Variants in ARHGEF16 observed in about 807,000 individuals in gnomAD.
ARHGEF16 encodes Rho guanine exchange factor (GEF) 16.
A neutral mutation model predicts 74.1 loss-of-function variants in ARHGEF16; 59 were observed. That is an observed-to-expected ratio of 0.80 (90% CI 0.65 to 0.99). ARHGEF16 has a LOEUF of 0.99. Among genes scored for constraint, ARHGEF16 ranks in the 50% least tolerant of loss-of-function variants. The probability of loss-of-function intolerance (pLI) is 0.00; values close to 1 mark genes in which losing one functional copy is unlikely to be tolerated. For synonymous variants in ARHGEF16, 415 were observed against 412.6 expected (o/e 1.01, Z -0.07); for missense variants, 948 against 986.6 (o/e 0.96, Z 0.52).
rs908674431 is a variant in ARHGEF16 at position 3,463,466 on chromosome 1, C to A, written c.382C>A (p.Pro128Thr). Residue 128 changes from proline (P) to threonine (T), a missense_variant, in exon 2 of 15, where the codon CCC becomes ACC. Coordinates refer to ENST00000378378, the MANE Select transcript of ARHGEF16 (RefSeq NM_014448.4). ...GCGGGACCCTAAGCTCCTCCCAGCC[C>A]CCAGCTTCTCCCTGGATGACATGGA... The part of the protein sequence containing the change: ...ARRDPKLLPA[P>T]SFSLDDMDVD... The A allele has an allele frequency of 1.3e-6, 2 of 1,532,186 alleles. No individual in the cohort carries two copies. Among genetic ancestry groups the A allele is most frequent in the Admixed American group, 4.2e-5 (2 of 47,860 alleles). 94.9% of individuals were successfully genotyped at this position (1,532,186 alleles called of 1,614,324 possible). A position where few individuals can be genotyped will look rare whatever the true frequency, so the allele number is the denominator to read the frequency against.
chr1:3,479,583 C>T lies in ARHGEF16; in HGVS notation c.1881C>T (p.Ser627=). 4 of 1,611,742 alleles carry T rather than the reference C, an allele frequency of 2.5e-6. No individual in the cohort carries two copies. Among genetic ancestry groups the T allele is most frequent in the Non-Finnish European group, 3.4e-6 (4 of 1,179,538 alleles). ...AGAGACAGTGGCAGGGCCTCTCCAG[C>T]AAAGGAGGTGAGTGCGGGCTGGGGC... ...HSERQWQGLS[S]KGDLPQVEIT... is the part of the protein sequence containing the mutation. Residue 627 remains serine, a synonymous_variant, in exon 13 of 15, where the codon AGC becomes AGT. Coordinates refer to ENST00000378378, the MANE Select transcript of ARHGEF16 (RefSeq NM_014448.4).
At chr1:3,457,598 C>T (rs922342300) in intron 1 of ARHGEF16, among the ~76,000 whole-genome samples, 5 of 152,250 alleles carry the variant, frequency 3.3e-5, no homozygotes, top group Non-Finnish European at 7.3e-5. Context: ...GGCGGGGCTA[C>T]AGAGCGGCCC....
chr1:3,471,944 G>A (rs1029711032), intron 6 of ARHGEF16, among the ~76,000 whole-genome samples: 20 of 152,208 alleles, frequency 1.3e-4, no homozygotes, highest in Middle Eastern at 3.2e-3. Context: ...CTGGGTCCTC[G>A]TCCACGGGGA....
Position 3,466,188 on chromosome 1 carries a change from A to G in ARHGEF16, c.629A>G (p.Lys210Arg). ...AAACGTGGGCACAAGGGTTCCTTCA[A>G]GGACGGTGAGTGTGGCTTCGGGAGG... is the stretch of plus-strand genomic sequence containing the variant. ...GRKRGHKGSF[K>R]DDPQLYQEIQ... The change falls in exon 3 of 15, where the codon AAG (lysine) becomes AGG (arginine). Residue 210 changes from lysine (K) to arginine (R), a missense_variant. Physicochemically the swap from Lys to Arg is conservative, Grantham distance 26. Coordinates refer to ENST00000378378, the MANE Select transcript of ARHGEF16 (RefSeq NM_014448.4). The G allele has an allele frequency of 1.3e-6, 2 of 1,543,314 alleles. No individual in the cohort carries two copies. Among genetic ancestry groups the G allele is most frequent in the East Asian group, 5.0e-5 (2 of 40,138 alleles).
chr1:3,455,471 G>A (rs1639247175), intron 1 of ARHGEF16, among the ~76,000 whole-genome samples: 1 of 152,144 alleles, frequency 6.6e-6, no homozygotes, highest in African/African-American at 2.4e-5. Flanking sequence ...AGCCGTGGCC[G>A]CTTGTCTTGG....
intron 10 of ARHGEF16, among the ~76,000 whole-genome samples, chr1:3,476,712 T>G (rs577548223): frequency 1.6e-3 from 244 of 152,160 alleles, no homozygotes; most frequent in African/African-American, 5.6e-3. Context: ...CCTGTCCTGG[T>G]GCCCCATCCA....
chr1:3,463,291 G>T lies in ARHGEF16; in HGVS notation c.207G>T (p.Trp69Cys). The T allele has an allele frequency of 6.5e-7, 1 of 1,550,134 alleles. No individual in the cohort carries two copies. The highest frequency in any genetic ancestry group is 1.2e-5 in the South Asian group (1 of 84,060). ...QPRPPGHEEP[W>C]PIVLSTESPA... ...GGCCCCCGGGGCACGAGGAGCCATG[G>T]CCCATCGTCCTGAGCACAGAGAGCC... is the stretch of plus-strand genomic sequence containing the variant. Residue 69 changes from tryptophan (W) to cysteine (C), a missense_variant, in exon 2 of 15, where the codon TGG (tryptophan) becomes TGT (cysteine). Coordinates refer to ENST00000378378, the MANE Select transcript of ARHGEF16 (RefSeq NM_014448.4).
At chr1:3,466,384 T>C (rs1639545664) in intron 3 of ARHGEF16, among the ~76,000 whole-genome samples, 191 bp downstream of exon 3, 2 of 152,074 alleles carry the variant, frequency 1.3e-5, no homozygotes, top group Non-Finnish European at 2.9e-5. Flanking sequence ...TAGAAAGGTC[T>C]AGAAAGTTCC....
At chr1:3,480,243 C>T (rs763907936) in intron 14 of ARHGEF16, among the ~76,000 whole-genome samples, 13 of 152,228 alleles carry the variant, frequency 8.5e-5, no homozygotes, top group Non-Finnish European at 1.5e-4. Flanking sequence ...CTCAGCCCAG[C>T]ACCCTTCTCA....
chr1:3,465,903 C>A (rs1283033015), intron 2 of ARHGEF16: 2 of 526,662 alleles, frequency 3.8e-6, no homozygotes, highest in Admixed American at 3.8e-5. Context: ...AGCGTCCCCT[C>A]ACGATGAGTT....
chr1:3,462,862 C>T (rs1322838756), intron 1 of ARHGEF16, among the ~76,000 whole-genome samples: 1 of 152,254 alleles, frequency 6.6e-6, no homozygotes, highest in Admixed American at 6.5e-5. Context: ...AGCCTCCGGC[C>T]TCAGACATGG....
At chr1:3,466,102 CTGCCCCG>C (rs1458427664) in intron 2 of ARHGEF16, 39 bp from the exon 3 acceptor site, 54 of 1,546,124 alleles carry the variant, frequency 3.5e-5, no homozygotes, top group Non-Finnish European at 4.6e-5. Context: ...TGGGCAACAC[CTGCCCCG>C]GCTGACAGCT....
intron 11 of ARHGEF16, 188 bp downstream of exon 11, chr1:3,478,214 C>CT: frequency 4.2e-6 from 4 of 941,764 alleles, no homozygotes; most frequent in Non-Finnish European, 6.4e-6. Flanking sequence ...AGCCTCTGAC[C>CT]TCCTCTGCAG....
chr1:3,468,964 TC>T, intron 5 of ARHGEF16, 28 bp downstream of exon 5: 1 of 1,548,790 alleles, frequency 6.5e-7, no homozygotes, highest in Non-Finnish European at 8.7e-7. Context: ...GGGAGGGCTG[TC>T]CCCCATGGCC....
intron 1 of ARHGEF16, among the ~76,000 whole-genome samples, chr1:3,458,996 CCAGAG>C (rs1639329476): frequency 6.6e-6 from 1 of 152,164 alleles, no homozygotes; most frequent in African/African-American, 2.4e-5. Context: ...GGAGAAAACA[CCAGAG>C]CTTAATACTC....
chr1:3,463,010 C>A, intron 1 of ARHGEF16, 56 bp from the exon 2 acceptor site: 1 of 1,287,046 alleles, frequency 7.8e-7, no homozygotes, highest in Admixed American at 2.9e-5. Flanking sequence ...GGGGTGGACA[C>A]CCGCGGGGGC....
At chr1:3,480,389 A>T in intron 14 of ARHGEF16, 59 bp from the exon 15 acceptor site, 5 of 1,600,098 alleles carry the variant, frequency 3.1e-6, no homozygotes, top group Non-Finnish European at 4.3e-6. Flanking sequence ...AGCAGCTCAG[A>T]GGGGCCGGGG....
Position 3,466,204 on chromosome 1 carries a change from C to G in ARHGEF16, c.634+11C>G. The G allele has an allele frequency of 3.3e-6, 5 of 1,537,088 alleles. No homozygotes were observed. Among genetic ancestry groups the G allele is most frequent in the Non-Finnish European group, 4.4e-6 (5 of 1,140,986 alleles). On this transcript the variant is annotated intron_variant, in intron 3 of 14. Transcript: ENST00000378378. ...GTTCCTTCAAGGACGGTGAGTGTGGCTTCGGGAGGCACCGCGGGCTGGGCT... is the reference window on the plus strand; with the variant it reads ...GTTCCTTCAAGGACGGTGAGTGTGGGTTCGGGAGGCACCGCGGGCTGGGCT...
intron 10 of ARHGEF16, among the ~76,000 whole-genome samples, chr1:3,476,880 G>A (rs1639892414): frequency 6.6e-6 from 1 of 152,094 alleles, no homozygotes; most frequent in Non-Finnish European, 1.5e-5. Context: ...CGTCAGGGCG[G>A]TGACTTCGCG....
Sources: gnomAD v4.1 joint callset for allele counts (sites outside exome capture counted in the v4.1 genomes callset) on GRCh38, gnomAD v4.1.1 for gene constraint, MANE v1.5 for transcripts, NCBI Gene and HGNC (gene_info 2026-07-23, HGNC 2026-07-21) for gene names.